Variants in PTPRF observed in about 807,000 individuals in gnomAD.
The protein encoded by PTPRF is receptor-type tyrosine-protein phosphatase F.
A neutral mutation model predicts 201.8 loss-of-function variants in PTPRF; 59 were observed. The observed-to-expected ratio is 0.29, with a 90% CI of 0.24 to 0.36. The LOEUF (loss-of-function observed/expected upper bound fraction) is 0.36. PTPRF is among the 10% of genes least tolerant of loss of function. The probability of loss-of-function intolerance (pLI) is 1.00; values close to 1 mark genes in which losing one functional copy is unlikely to be tolerated. For missense variants in PTPRF, 2,132 were observed against 2,690.5 expected (o/e 0.79, Z 4.59); for synonymous variants, 1,088 against 1,089.7 (o/e 1.00, Z 0.03).
In PTPRF at chr1:43,554,119, C is replaced by T. The variant is rs146726431; in HGVS notation, c.379+178C>T. Among the ~76,000 whole-genome samples, 275 of 152,258 alleles carry T rather than the reference C, an allele frequency of 1.8e-3. 2 individuals are homozygous for T. Among genetic ancestry groups the T allele is most frequent in the Non-Finnish European group, 3.0e-3 (204 of 68,024 alleles). On this transcript the variant is annotated intron_variant, in intron 5 of 33. Coordinates refer to ENST00000359947, the MANE Select transcript of PTPRF (RefSeq NM_002840.5). This position sits in a 1 kb window ranked among gnomAD's most constrained non-coding sequence, Gnocchi z 4.1. ...GTCATTGGATCTGGCCTGGATTGTGCGGCTTATGCTGAGGCCAGCCATGTG... is the reference window on the plus strand; with the variant it reads ...GTCATTGGATCTGGCCTGGATTGTGTGGCTTATGCTGAGGCCAGCCATGTG...
chr1:43,592,358 G>T, intron 10 of PTPRF, 99 bp from the exon 11 acceptor site: 16 of 1,409,258 alleles, frequency 1.1e-5, no homozygotes, highest in Non-Finnish European at 1.4e-5. Flanking sequence ...CTGGAGCCGT[G>T]GTGGGTCCAG....
chr1:43,569,232 C>A (rs77791753), intron 5 of PTPRF, among the ~76,000 whole-genome samples: 13 of 129,920 alleles, frequency 1.0e-4, no homozygotes, highest in Non-Finnish European at 1.5e-4. Context: ...CCCCCCCCCA[C>A]CCCCTGCAGC....
At chr1:43,608,025 A>G (rs1655555961) in intron 21 of PTPRF, among the ~76,000 whole-genome samples, 1 of 152,162 alleles carries the variant, frequency 6.6e-6, no homozygotes, top group Non-Finnish European at 1.5e-5. Context: ...CATGCAGGAG[A>G]GCCTGTATCC....
intron 11 of PTPRF, among the ~76,000 whole-genome samples, chr1:43,597,364 G>A (rs543512264): frequency 6.6e-6 from 1 of 152,136 alleles, no homozygotes; most frequent in South Asian, 2.1e-4. Context: ...GTGACACTGT[G>A]AGAGACACTG....
intron 19 of PTPRF, 144 bp downstream of exon 19, chr1:43,605,766 G>T: frequency 1.3e-6 from 1 of 779,604 alleles, no homozygotes; most frequent in South Asian, 1.7e-5. Flanking sequence ...GCCCCTCTCT[G>T]GAGAGAGGGA....
At chr1:43,567,777 C>G (rs1333934911) in intron 5 of PTPRF, among the ~76,000 whole-genome samples, 1 of 152,194 alleles carries the variant, frequency 6.6e-6, no homozygotes, top group East Asian at 1.9e-4. Flanking sequence ...ATGCCATGTG[C>G]CTTTACTCTG....
rs1658156238 is a variant in PTPRF at position 43,617,490 on chromosome 1, G to C, written c.4117G>C (p.Glu1373Gln). The C allele has an allele frequency of 1.9e-6, 3 of 1,614,004 alleles. No individual in the cohort carries two copies. In the African/African-American group the frequency reaches 4.0e-5, roughly 22 times the overall value. Reference sequence around the variant, plus strand: ...GTTCACGTGGGAGAATTCAAACCTGGAGGTGAACAAGCCCAAGAACCGCTA... The same window carrying C: ...GTTCACGTGGGAGAATTCAAACCTGCAGGTGAACAAGCCCAAGAACCGCTA... ...QQFTWENSNL[E>Q]VNKPKNRYAN... Residue 1373 changes from glutamate (E) to glutamine (Q), a missense_variant, in exon 24 of 34, where the codon GAG becomes CAG. By Grantham distance (29) the Glu-to-Gln change is conservative. Transcript: ENST00000359947.
chr1:43,565,851 C>G (rs1238547083), intron 5 of PTPRF, among the ~76,000 whole-genome samples: 1 of 152,036 alleles, frequency 6.6e-6, no homozygotes, highest in Non-Finnish European at 1.5e-5. Flanking sequence ...CGCGCCTGCA[C>G]GGACTCGGGC....
At chr1:43,604,625 C>T (rs535021669) in intron 16 of PTPRF, among the ~76,000 whole-genome samples, 23 of 152,322 alleles carry the variant, frequency 1.5e-4, no homozygotes, top group Admixed American at 1.3e-3. Context: ...TGGTGTCCAT[C>T]GGCTCAAGCT....
chr1:43,587,215 AGTGGCATCAGATTTGTGCCAGCTG>A, intron 7 of PTPRF, among the ~76,000 whole-genome samples: 1 of 152,148 alleles, frequency 6.6e-6, no homozygotes, highest in Non-Finnish European at 1.5e-5. Context: ...TTAAACAGGG[AGTGGCATCAGATTTGTGCCAGCTG>A]TTTGTGGAGG....
rs756513915 is a variant in PTPRF at position 43,592,528 on chromosome 1, C to T, written c.1740C>T (p.Phe580=). 1.2e-6 allele frequency: 2 copies of T among 1,612,892 alleles called. No individual in the cohort carries two copies. The highest frequency in any genetic ancestry group is 2.2e-5 in the South Asian group (2 of 90,934). The change falls in exon 11 of 34, where the codon TTC becomes TTT. Residue 580 remains phenylalanine, a synonymous_variant. Transcript: ENST00000359947. ...TGAAGCCTGACACACTCTACCGCTT[C>T]CAGCTGGCTGCACGCTCGGATATGG... ...EDLKPDTLYR[F]QLAARSDMGV...
At chr1:43,530,576 T>C (rs1470375260), upstream of PTPRF, among the ~76,000 whole-genome samples, 2 of 151,952 alleles carry the variant, frequency 1.3e-5, no homozygotes, top group Non-Finnish European at 2.9e-5. The surrounding 1 kb of genome is among the most constrained non-coding windows in gnomAD (Gnocchi z 4.1). Context: ...TTCAGATCTG[T>C]ATGGGGAGGA....
intron 7 of PTPRF, among the ~76,000 whole-genome samples, chr1:43,583,329 G>A (rs1055377202): frequency 6.6e-6 from 1 of 152,168 alleles, no homozygotes; most frequent in Non-Finnish European, 1.5e-5. Context: ...TGTCCCCTTA[G>A]CCTGGTTCCC....
chr1:43,576,004 G>C, intron 6 of PTPRF: 1 of 1,303,444 alleles, frequency 7.7e-7, no homozygotes, highest in Admixed American at 2.0e-5. Flanking sequence ...CGTCCAGTCT[G>C]TCACCTCCCC....
intron 13 of PTPRF, 120 bp downstream of exon 13, chr1:43,599,033 C>T (rs74070627): frequency 8.9e-7 from 1 of 1,118,562 alleles, no homozygotes; most frequent in Non-Finnish European, 1.3e-6. Flanking sequence ...CTGTGACTGC[C>T]TTTCCTTGGT....
Position 43,542,774 on chromosome 1 carries a change from T to A in PTPRF, c.-45-2257T>A, listed in dbSNP as rs1413404466. 6.6e-6 allele frequency among the ~76,000 whole-genome samples: 1 copy of A among 152,142 alleles called. No homozygotes were observed. The highest frequency in any genetic ancestry group is 2.4e-5 in the African/African-American group (1 of 41,422). On this transcript the variant is annotated intron_variant, in intron 2 of 33. Coordinates refer to ENST00000359947, the MANE Select transcript of PTPRF (RefSeq NM_002840.5). The surrounding 1 kb of genome is among the most constrained non-coding windows in gnomAD (Gnocchi z 5.2). ...TCTAGACCACACCATTACACCTCCA[T>A]GATGTCTGCACCTGGGCGTTATACT...
intron 20 of PTPRF, 107 bp downstream of exon 20, chr1:43,606,565 G>A: frequency 1.7e-6 from 2 of 1,204,904 alleles, no homozygotes; most frequent in Admixed American, 2.2e-5. Context: ...CAGTTTGGGG[G>A]CTTCGAGATC....
At chr1:43,612,180 A>T (rs1480795907) in intron 22 of PTPRF, among the ~76,000 whole-genome samples, 6 of 152,128 alleles carry the variant, frequency 3.9e-5, no homozygotes, top group African/African-American at 1.4e-4. Context: ...CAGTGGGGAC[A>T]CCCAGTGGGA....
At chr1:43,575,847 C>CT in intron 6 of PTPRF, 1 of 1,311,722 alleles carries the variant, frequency 7.6e-7, no homozygotes, top group Non-Finnish European at 1.0e-6. Context: ...CTTTGTGTGG[C>CT]TTTCCTTCCT....
Sources: gnomAD v4.1 joint callset for allele counts (sites outside exome capture counted in the v4.1 genomes callset) on GRCh38, gnomAD v4.1.1 for gene constraint, Gnocchi (gnomAD v3.1) non-coding constraint, MANE v1.5 for transcripts, NCBI Gene and HGNC (gene_info 2026-07-23, HGNC 2026-07-21) for gene names.